ANKRD36C: variants seen among roughly 807,000 people sequenced by gnomAD.
The protein encoded by ANKRD36C is ankyrin repeat domain 36C, also known as ankyrin repeat domain-containing protein 36C.
A neutral mutation model predicts 276.4 loss-of-function variants in ANKRD36C; 61 were observed. That is an observed-to-expected ratio of 0.22 (90% CI 0.18 to 0.27). The LOEUF (loss-of-function observed/expected upper bound fraction) is 0.27, where lower values mean the gene tolerates loss of function less well. Ranked by LOEUF, ANKRD36C falls within the 10% of genes least tolerant of loss-of-function variation. ANKRD36C has a pLI of 1.00. For missense variants in ANKRD36C, 1,447 were observed against 2,032.3 expected, an observed-to-expected ratio of 0.71 and a Z score of 5.54; for synonymous variants, 483 against 680.1, an observed-to-expected ratio of 0.71 and a Z score of 4.51.
chr2:95,953,074 T>G (rs1328324297), intron 14 of ANKRD36C, among the ~76,000 whole-genome samples: 1 of 152,266 alleles, frequency 6.6e-6, no homozygotes. Context: ...CATAAAAATA[T>G]GAAGAGTCTC....
chr2:95,922,380 T>C (rs1261819941), intron 32 of ANKRD36C, among the ~76,000 whole-genome samples: 1 of 151,606 alleles, frequency 6.6e-6, no homozygotes, highest in Non-Finnish European at 1.5e-5. Flanking sequence ...TAATATTCAT[T>C]ATTTCTCATA....
At chr2:95,974,420 G>C (rs1167903576) in intron 6 of ANKRD36C, among the ~76,000 whole-genome samples, 1 of 152,120 alleles carries the variant, frequency 6.6e-6, no homozygotes, top group Admixed American at 6.5e-5. Flanking sequence ...ATCCTATATA[G>C]TTGTCAAAAA....
Position 95,912,451 on chromosome 2 carries a change from G to A in ANKRD36C, c.2552-16C>T. On this transcript the variant is annotated splice_polypyrimidine_tract_variant and intron_variant, in intron 40 of 66. Transcript: ENST00000456556. ...CGAGAAGACACTGAAAAGCAAAAGGGATACATAATCACTCACACGTAAATA... is the reference window on the plus strand; with the variant it reads ...CGAGAAGACACTGAAAAGCAAAAGGAATACATAATCACTCACACGTAAATA... 6 of 1,604,954 alleles carry A rather than the reference G, an allele frequency of 3.7e-6. No individual in the cohort carries two copies. The highest frequency in any genetic ancestry group is 2.2e-5 in the East Asian group (1 of 44,608).
At chr2:95,861,273 TA>T (rs1675573540) in intron 60 of ANKRD36C, among the ~76,000 whole-genome samples, 1 of 150,648 alleles carries the variant, frequency 6.6e-6, no homozygotes, top group South Asian at 2.1e-4. Flanking sequence ...TGGATGGAAA[TA>T]AACACAAATT....
intron 50 of ANKRD36C, among the ~76,000 whole-genome samples, chr2:95,886,677 C>G (rs1342694578): frequency 6.6e-6 from 1 of 151,732 alleles, no homozygotes; most frequent in African/African-American, 2.4e-5. Context: ...TGCTCTTTAA[C>G]TTGCCCAATA....
At chr2:95,944,817 C>T in intron 18 of ANKRD36C, 123 bp from the exon 19 acceptor site, 1 of 928,334 alleles carries the variant, frequency 1.1e-6, no homozygotes, top group Non-Finnish European at 1.6e-6. Flanking sequence ...GCAGGCAGAT[C>T]ATATGAGGTC....
exon 67 of ANKRD36C, chr2:95,851,195 T>A: frequency 6.5e-7 from 1 of 1,539,570 alleles, no homozygotes. Context: ...ACCTGCAGCA[T>A]CTGAAATAAA....
At chr2:95,892,740 A>G (rs1676411957) in intron 44 of ANKRD36C, among the ~76,000 whole-genome samples, 2 of 151,246 alleles carry the variant, frequency 1.3e-5, no homozygotes, top group Admixed American at 1.3e-4. Context: ...GTTGTTCTCT[A>G]AAGAAGTTTC....
intron 59 of ANKRD36C, chr2:95,875,922 T>G (rs1181404857): frequency 5.0e-6 from 2 of 398,278 alleles, no homozygotes; most frequent in Middle Eastern, 3.4e-4. Context: ...ATTCTCTTGA[T>G]AGCCAGTTGG....
At chr2:95,915,599 TG>T (rs1677068676) in intron 38 of ANKRD36C, among the ~76,000 whole-genome samples, 1 of 151,478 alleles carries the variant, frequency 6.6e-6, no homozygotes, top group Non-Finnish European at 1.5e-5. Flanking sequence ...CCGGTTATTA[TG>T]AACACTTTTC....
At chr2:95,957,040 G>C (rs1233716851) in intron 12 of ANKRD36C, among the ~76,000 whole-genome samples, 2 of 151,856 alleles carry the variant, frequency 1.3e-5, no homozygotes, top group East Asian at 3.9e-4. Flanking sequence ...TGTAGGCAGG[G>C]CTCGGTGGGT....
Position 95,914,311 on chromosome 2 carries a change from G to A in ANKRD36C, c.2450-8C>T. 1.9e-6 allele frequency: 3 copies of A among 1,547,772 alleles called. No homozygotes were observed. Among genetic ancestry groups the A allele is most frequent in the Non-Finnish European group, 2.6e-6 (3 of 1,145,026 alleles). On this transcript the variant is annotated splice_polypyrimidine_tract_variant and splice_region_variant and intron_variant, in intron 38 of 66. Coordinates refer to ENST00000456556, the Ensembl canonical transcript of ANKRD36C. Reference sequence around the variant, plus strand: ...CTGGTTTCTCAGAAGTCACTGAAAAGTAAAAGGGATTCATAATCACTCATA... The same window carrying A: ...CTGGTTTCTCAGAAGTCACTGAAAAATAAAAGGGATTCATAATCACTCATA...
At chr2:95,991,692 G>C in exon 1 of ANKRD36C, 4 of 1,613,416 alleles carry the variant, frequency 2.5e-6, no homozygotes, top group Non-Finnish European at 3.4e-6. Flanking sequence ...CCACCTCTTC[G>C]GCTCCTTGTC....
chr2:95,849,258 C>A (rs1369617782), downstream of ANKRD36C, among the ~76,000 whole-genome samples: 1 of 152,170 alleles, frequency 6.6e-6, no homozygotes, highest in Non-Finnish European at 1.5e-5. Context: ...CAGGATTTCA[C>A]CATATTGGCC....
intron 56 of ANKRD36C, among the ~76,000 whole-genome samples, chr2:95,881,686 TAGTCATTGGAGC>T (rs1378344823): frequency 5.9e-5 from 9 of 152,150 alleles, no homozygotes; most frequent in African/African-American, 1.7e-4. Flanking sequence ...TTGATTCCAG[TAGTCATTGGAGC>T]AGCCAGAAAT....
intron 8 of ANKRD36C, 150 bp from the exon 9 acceptor site, chr2:95,960,817 T>C (rs1030207329): frequency 3.7e-6 from 2 of 545,238 alleles, no homozygotes; most frequent in African/African-American, 3.9e-5. Flanking sequence ...GACAGGAACA[T>C]GACAGAATTA....
chr2:95,990,326 A>G (rs181328438), intron 1 of ANKRD36C, among the ~76,000 whole-genome samples: 1 of 152,358 alleles, frequency 6.6e-6, no homozygotes, highest in East Asian at 1.9e-4. Flanking sequence ...TGCAAAGGCA[A>G]TTGCAGTTTT....
chr2:95,971,334 G>T, intron 6 of ANKRD36C, among the ~76,000 whole-genome samples: 1 of 138,878 alleles, frequency 7.2e-6, no homozygotes, highest in Non-Finnish European at 1.6e-5. Context: ...TGATTATTAT[G>T]ATGCAACAAT....
At position 95,897,810 on chromosome 2, in the gene ANKRD36C, G is replaced by A. The variant is rs1445296847; in HGVS notation, c.2755+1335C>T. Among the ~76,000 whole-genome samples the A allele has an allele frequency of 1.5e-4, 22 of 145,998 alleles. 1 individual carries two copies. Among genetic ancestry groups the A allele is most frequent in the Non-Finnish European group, 2.8e-4 (18 of 65,242 alleles). On this transcript the variant is annotated intron_variant, in intron 44 of 66. Transcript: ENST00000456556. ...CATACACCTGAGAATCAATGTCAAA[G>A]CAGGTGCTACATGATCCCACTTACC...
Sources: gnomAD v4.1 joint callset for allele counts (sites outside exome capture counted in the v4.1 genomes callset) on GRCh38, gnomAD v4.1.1 for gene constraint, MANE v1.5 for transcripts, NCBI Gene and HGNC (gene_info 2026-07-23, HGNC 2026-07-21) for gene names.